The following MPDZ variants were observed in gnomAD, a reference collection of about 807,000 sequenced individuals.
MPDZ encodes the protein multiple PDZ domain protein.
A neutral mutation model predicts 239.1 loss-of-function variants in MPDZ; 234 were observed. The ratio of observed to expected loss-of-function variants is 0.98; its 90% CI spans 0.88 to 1.09. MPDZ has a LOEUF of 1.09. Among genes scored for constraint, MPDZ ranks in the 50% least tolerant of loss-of-function variants. The pLI, the probability that MPDZ is intolerant of heterozygous loss-of-function variation, is 0.00. For synonymous variants in MPDZ, 1,048 were observed against 881.3 expected (o/e 1.19, Z -3.35); for missense variants, 3,175 against 2,510.0 (o/e 1.26, Z -5.66).
chr9:13,212,553 G>C (rs984162316), intron 10 of MPDZ, among the ~76,000 whole-genome samples: 1 of 151,814 alleles, frequency 6.6e-6, no homozygotes, highest in African/African-American at 2.4e-5. Flanking sequence ...GTCCTGGTTA[G>C]CTCTGGTTCC....
intron 1 of MPDZ, among the ~76,000 whole-genome samples, chr9:13,252,458 C>G (rs528887027): frequency 1.3e-5 from 2 of 150,942 alleles, no homozygotes; most frequent in Non-Finnish European, 2.9e-5. Context: ...CCCAGCTACT[C>G]AGGAGTCTGA....
chr9:13,278,525 T>G (rs1222583353), intron 1 of MPDZ, among the ~76,000 whole-genome samples: 1 of 152,104 alleles, frequency 6.6e-6, no homozygotes, highest in Admixed American at 6.5e-5. Context: ...CAAACAAAAA[T>G]GTACACCATC....
rs372312074 is a variant in MPDZ, at chr9:13,216,762, T to C, written c.1290+12A>G. The C allele has an allele frequency of 6.0e-5, 94 of 1,574,868 alleles. No homozygotes were observed. The highest frequency in any genetic ancestry group is 2.4e-4 in the African/African-American group (18 of 73,998). On this transcript the variant is annotated intron_variant, in intron 10 of 46. Transcript: ENST00000319217. ...GAAAATTAACAAAGCTATTGTTAAA[T>C]GTGTAACTTACTGCTATAATTTGGT...
intron 39 of MPDZ, among the ~76,000 whole-genome samples, chr9:13,118,178 T>C (rs897891419): frequency 1.1e-4 from 17 of 152,254 alleles, no homozygotes; most frequent in African/African-American, 4.1e-4. Flanking sequence ...TTAAAAATTA[T>C]TTACATTGTT....
At chr9:13,273,016 TGGG>T (rs1373990988) in intron 1 of MPDZ, among the ~76,000 whole-genome samples, 1 of 152,080 alleles carries the variant, frequency 6.6e-6, no homozygotes, top group Non-Finnish European at 1.5e-5. Context: ...TTCTAATGAA[TGGG>T]ATTAGTGCCC....
chr9:13,125,516 A>G, intron 34 of MPDZ, 126 bp from the exon 35 acceptor site: 3 of 827,152 alleles, frequency 3.6e-6, no homozygotes, highest in Non-Finnish European at 5.3e-6. Context: ...GATGCAAATT[A>G]TTTCTTTGTC....
chr9:13,109,177 G>A (rs1166180255), intron 45 of MPDZ, 118 bp from the exon 46 acceptor site: 1 of 864,442 alleles, frequency 1.2e-6, no homozygotes, highest in Non-Finnish European at 1.5e-6. Context: ...TACTGACAAG[G>A]AGTATATTAC....
At chr9:13,173,704 C>CAAA (rs1357050642) in intron 21 of MPDZ, among the ~76,000 whole-genome samples, 1 of 114,184 alleles carries the variant, frequency 8.8e-6, no homozygotes, top group African/African-American at 3.2e-5. Context: ...AACTCTCTCT[C>CAAA]AAAAAAAAAA....
In MPDZ at chr9:13,168,550, CACTA is replaced by C. The variant is rs1563948056; in HGVS notation, c.3066_3069del (p.Ser1023LeufsTer8). 1 of 1,587,436 alleles carries C rather than the reference CACTA, an allele frequency of 6.3e-7. No homozygotes were observed. Among genetic ancestry groups the C allele is most frequent in the Non-Finnish European group, 8.5e-7 (1 of 1,170,964 alleles). Reference sequence around the variant, plus strand: ...ATCATCCCCAAGCCATCTTTATTAGCACTAACTGTCATTCCTACAGGAAAAGAGA... The same window carrying C: ...ATCATCCCCAAGCCATCTTTATTAGCACTGTCATTCCTACAGGAAAAGAGA... On this transcript the variant is annotated frameshift_variant, in exon 22 of 47. Transcript: ENST00000319217. LOFTEE classifies it high-confidence loss of function.
At chr9:13,141,524 T>G (rs540579594) in intron 27 of MPDZ, among the ~76,000 whole-genome samples, 1 of 152,276 alleles carries the variant, frequency 6.6e-6, no homozygotes, top group East Asian at 1.9e-4. Flanking sequence ...TATCTTTATT[T>G]TACTTTTTTA....
rs1049077821 is a variant in MPDZ at position 13,157,945 on chromosome 9, C to T, written c.3452+73G>A. ...ACAAGAAGCAAGTTGTAATCCAGTACTTGAAACCACACCTGCTTATCTTTA... is the reference window on the plus strand; with the variant it reads ...ACAAGAAGCAAGTTGTAATCCAGTATTTGAAACCACACCTGCTTATCTTTA... On this transcript the variant is annotated intron_variant, in intron 24 of 46. Transcript: ENST00000319217. 4.1e-5 allele frequency: 54 copies of T among 1,318,114 alleles called. No individual in the cohort carries two copies. The East Asian group carries it at 9.6e-4, about 23-fold the overall frequency. The allele number at this position is 1,318,114 out of a possible 1,614,324, so 81.7% of individuals were successfully genotyped here.
intron 41 of MPDZ, among the ~76,000 whole-genome samples, chr9:13,113,413 C>T (rs1490014414): frequency 1.3e-5 from 2 of 152,068 alleles, no homozygotes; most frequent in Non-Finnish European, 2.9e-5. Flanking sequence ...AATTTAAGTG[C>T]CTAAATTTCT....
In MPDZ at chr9:13,119,786, T is replaced by C. The variant is rs189144193; in HGVS notation, c.5232-137A>G. ...AAAGTTTTGTTATTTGGAGCAACACTGGGGCAACATTAGAATTATATTTTT... is the reference window on the plus strand; with the variant it reads ...AAAGTTTTGTTATTTGGAGCAACACCGGGGCAACATTAGAATTATATTTTT... On this transcript the variant is annotated intron_variant, in intron 38 of 46. Transcript: ENST00000319217. 609 of 847,094 alleles carry C rather than the reference T, an allele frequency of 7.2e-4. 2 individuals are homozygous for C. The highest frequency in any genetic ancestry group is 3.1e-4 in the Non-Finnish European group (163 of 526,666). The allele number at this position is 847,094 out of a possible 1,614,324, so 52.5% of individuals were successfully genotyped here.
intron 1 of MPDZ, among the ~76,000 whole-genome samples, chr9:13,274,984 T>C (rs1973848663): frequency 6.6e-6 from 1 of 152,192 alleles, no homozygotes; most frequent in African/African-American, 2.4e-5. Flanking sequence ...AATTTCCCAA[T>C]GAACATCCAG....
chr9:13,244,189 G>A (rs899811771), intron 3 of MPDZ, among the ~76,000 whole-genome samples: 1 of 152,188 alleles, frequency 6.6e-6, no homozygotes, highest in Middle Eastern at 3.2e-3. Context: ...AATCAAGAGA[G>A]TAGCATCCAC....
intron 6 of MPDZ, among the ~76,000 whole-genome samples, chr9:13,222,012 T>C (rs1292107872): frequency 6.6e-6 from 1 of 152,096 alleles, no homozygotes; most frequent in Non-Finnish European, 1.5e-5. Flanking sequence ...TAAGGAATGC[T>C]GTCAAAGGAC....
intron 27 of MPDZ, among the ~76,000 whole-genome samples, chr9:13,143,176 A>C (rs575890194): frequency 4.6e-5 from 7 of 152,136 alleles, no homozygotes; most frequent in Non-Finnish European, 1.0e-4. Flanking sequence ...CAAAAATTTA[A>C]ATATCAGAAA....
chr9:13,267,877 T>C (rs148098768), intron 1 of MPDZ, among the ~76,000 whole-genome samples: 1 of 152,322 alleles, frequency 6.6e-6, no homozygotes, highest in Non-Finnish European at 1.5e-5. Context: ...CAGGAAGAAC[T>C]GTCATTTCTC....
chr9:13,117,945 G>C (rs1223102866), intron 39 of MPDZ, among the ~76,000 whole-genome samples: 2 of 150,168 alleles, frequency 1.3e-5, no homozygotes, highest in Admixed American at 6.7e-5. Context: ...CCCGGGTTCA[G>C]GCGATTCTCC....
Sources: gnomAD v4.1 joint callset for allele counts (sites outside exome capture counted in the v4.1 genomes callset) on GRCh38, gnomAD v4.1.1 for gene constraint, MANE v1.5 for transcripts, NCBI Gene and HGNC (gene_info 2026-07-23, HGNC 2026-07-21) for gene names.